The following PPARGC1A variants were observed in gnomAD, a reference collection of about 807,000 sequenced individuals.
PPARGC1A encodes PPARG coactivator 1 alpha, also known as peroxisome proliferator-activated receptor gamma coactivator 1-alpha.
A neutral mutation model predicts 88.7 loss-of-function variants in PPARGC1A; 25 were observed. The observed-to-expected ratio is 0.28, with a 90% CI of 0.21 to 0.39. The LOEUF (loss-of-function observed/expected upper bound fraction) is 0.39, where lower values mean the gene tolerates loss of function less well. PPARGC1A is among the 10% of genes least tolerant of loss of function. The pLI is 1.00. For synonymous variants in PPARGC1A, 363 were observed against 355.6 expected (o/e 1.02, Z -0.24); for missense variants, 880 against 968.7 (o/e 0.91, Z 1.22).
intron 3 of PPARGC1A, among the ~76,000 whole-genome samples, chr4:23,829,927 G>A (rs1429284667): frequency 1.3e-5 from 2 of 152,120 alleles, no homozygotes; most frequent in Non-Finnish European, 2.9e-5. Context: ...CCAGCCATAA[G>A]GGATTACTGC....
chr4:24,273,897 A>AT, the PPARGC1A span, among the ~76,000 whole-genome samples: 1,422 of 146,360 alleles, frequency 9.7e-3, 23 homozygotes, highest in East Asian at 0.096. Context: ...CGCCCAGCTA[A>AT]TTTTTTTTTT....
chr4:24,126,491 G>A, the PPARGC1A span, among the ~76,000 whole-genome samples: 6 of 152,170 alleles, frequency 3.9e-5, no homozygotes, highest in East Asian at 1.9e-4. Context: ...GTAGAAGCCC[G>A]TAGCAGGATG....
chr4:24,108,686 G>A, the PPARGC1A span, among the ~76,000 whole-genome samples: 3 of 152,036 alleles, frequency 2.0e-5, no homozygotes, highest in Admixed American at 6.6e-5. Context: ...AGATCTCAGC[G>A]CTGAATCCAG....
the PPARGC1A span, among the ~76,000 whole-genome samples, chr4:24,171,562 G>A: frequency 2.7e-4 from 41 of 152,132 alleles, no homozygotes; most frequent in East Asian, 7.0e-3. Flanking sequence ...CGGACTCCAT[G>A]AGATTAGGAC....
At chr4:24,446,741 T>C in the PPARGC1A span, among the ~76,000 whole-genome samples, 4 of 151,878 alleles carry the variant, frequency 2.6e-5, no homozygotes, top group South Asian at 8.3e-4. Flanking sequence ...GGATTACAGG[T>C]GCCTGCTACC....
chr4:24,092,547 A>G, the PPARGC1A span, among the ~76,000 whole-genome samples: 6 of 152,260 alleles, frequency 3.9e-5, no homozygotes. Context: ...CTGATACCTG[A>G]ATCCACATGG....
chr4:24,057,600 C>T, the PPARGC1A span, among the ~76,000 whole-genome samples: 1 of 152,156 alleles, frequency 6.6e-6, no homozygotes, highest in African/African-American at 2.4e-5. Context: ...GCATAGACGG[C>T]AGGGAAAGCC....
the PPARGC1A span, among the ~76,000 whole-genome samples, chr4:24,354,982 T>G: frequency 3.1e-3 from 472 of 152,304 alleles, 6 homozygotes; most frequent in African/African-American, 0.011. Context: ...CCAATTCAGC[T>G]TAAACCAAAA....
chr4:24,402,277 G>A, the PPARGC1A span, among the ~76,000 whole-genome samples: 2 of 152,180 alleles, frequency 1.3e-5, no homozygotes, highest in African/African-American at 2.4e-5. Flanking sequence ...ACTCTGCAGC[G>A]GCTGCTACAG....
chr4:24,454,809 A>G, the PPARGC1A span, among the ~76,000 whole-genome samples: 1 of 152,236 alleles, frequency 6.6e-6, no homozygotes, highest in African/African-American at 2.4e-5. Flanking sequence ...CAGTTAGTTA[A>G]ATAGTTCCGA....
the PPARGC1A span, among the ~76,000 whole-genome samples, chr4:23,955,027 C>T: frequency 6.6e-5 from 10 of 151,990 alleles, no homozygotes; most frequent in South Asian, 2.1e-4. Context: ...AAGCCAATAA[C>T]ATTCAATTTT....
the PPARGC1A span, among the ~76,000 whole-genome samples, chr4:24,177,024 G>A: frequency 2.0e-5 from 3 of 152,330 alleles, no homozygotes; most frequent in Non-Finnish European, 4.4e-5. Context: ...TGGTGGGACT[G>A]TAAACTAGTT....
the PPARGC1A span, among the ~76,000 whole-genome samples, chr4:24,207,929 C>T: frequency 1.3e-5 from 2 of 152,092 alleles, no homozygotes; most frequent in East Asian, 3.9e-4. Flanking sequence ...TAAGTTTCTG[C>T]CCTTCCATTG....
the PPARGC1A span, among the ~76,000 whole-genome samples, chr4:23,964,739 G>A: frequency 6.6e-6 from 1 of 152,148 alleles, no homozygotes; most frequent in Non-Finnish European, 1.5e-5. Flanking sequence ...GGGCAGAATG[G>A]AGTGGAGGGG....
intron 2 of PPARGC1A, among the ~76,000 whole-genome samples, chr4:23,850,901 A>T (rs1251820731): frequency 6.6e-6 from 1 of 152,198 alleles, no homozygotes; most frequent in Non-Finnish European, 1.5e-5. Flanking sequence ...TCAGGGCAGA[A>T]TTCAAAACTG....
the PPARGC1A span, among the ~76,000 whole-genome samples, chr4:24,470,742 C>G: frequency 1.3e-5 from 2 of 151,122 alleles, no homozygotes; most frequent in Non-Finnish European, 3.0e-5. This position sits in a 1 kb window ranked among gnomAD's most constrained non-coding sequence, Gnocchi z 5.8. Flanking sequence ...CGACGGTCTG[C>G]CCAGAGCTCG....
chr4:23,831,122 C>G (rs1724926892), intron 3 of PPARGC1A, among the ~76,000 whole-genome samples: 1 of 152,044 alleles, frequency 6.6e-6, no homozygotes, highest in African/African-American at 2.4e-5. Flanking sequence ...CAATAAAATA[C>G]TATGCAACCA....
At chr4:24,214,741 G>T in the PPARGC1A span, among the ~76,000 whole-genome samples, 3 of 152,164 alleles carry the variant, frequency 2.0e-5, no homozygotes, top group Non-Finnish European at 2.9e-5. Flanking sequence ...TAAGGGGAGA[G>T]AAAGGGAGCA....
At chr4:24,327,971 T>C in the PPARGC1A span, among the ~76,000 whole-genome samples, 2 of 151,972 alleles carry the variant, frequency 1.3e-5, no homozygotes, top group South Asian at 4.2e-4. Flanking sequence ...TGAATTTCCT[T>C]CTCCTGGCTC....
Sources: allele counts gnomAD v4.1 joint callset (sites outside exome capture counted in the v4.1 genomes callset), GRCh38; gene constraint gnomAD v4.1.1; non-coding constraint Gnocchi (gnomAD v3.1); transcripts MANE v1.5; gene names NCBI Gene and HGNC (gene_info 2026-07-23, HGNC 2026-07-21).